ADAMTS17: variants seen among roughly 807,000 people sequenced by gnomAD.
ADAMTS17 encodes the protein ADAM metallopeptidase with thrombospondin type 1 motif 17.
A neutral mutation model predicts 141.5 loss-of-function variants in ADAMTS17; 113 were observed. The observed-to-expected ratio is 0.80, with a 90% confidence interval of 0.69 to 0.93. ADAMTS17 has a LOEUF of 0.93. Ranked by LOEUF, ADAMTS17 falls within the 40% of genes least tolerant of loss-of-function variation. The pLI is 0.00. For synonymous variants in ADAMTS17, 768 were observed against 630.6 expected, an observed-to-expected ratio of 1.22 and a Z score of -3.27; for missense variants, 1,659 against 1,517.9, an observed-to-expected ratio of 1.09 and a Z score of -1.54.
chr15:100,172,232 C>G (rs959043135), intron 8 of ADAMTS17, among the ~76,000 whole-genome samples: 12 of 152,164 alleles, frequency 7.9e-5, no homozygotes, highest in Non-Finnish European at 1.8e-4. Context: ...GCCTGGCTCC[C>G]TCAATCACAG....
In ADAMTS17 at chr15:100,116,997, T is replaced by C; in HGVS notation, c.1738A>G (p.Thr580Ala). 1.2e-6 allele frequency: 2 copies of C among 1,612,486 alleles called. No homozygotes were observed. Among genetic ancestry groups the C allele is most frequent in the South Asian group, 1.1e-5 (1 of 90,822 alleles). ...CDNPPPGPGG[T>A]HCPGASVEHA... ...TCTACACTGGCACCCGGGCAGTGTG[T>C]GCCTCCAGGCCCAGGGCTAGAAGGA... Residue 580 changes from threonine (T) to alanine (A), a missense_variant, in exon 13 of 22, where the codon ACA becomes GCA. Thr to Ala is a moderately conservative substitution (Grantham distance 58). Coordinates refer to ENST00000268070, the MANE Select transcript of ADAMTS17 (RefSeq NM_139057.4).
chr15:100,140,247 T>G (rs1690035758), intron 10 of ADAMTS17, among the ~76,000 whole-genome samples: 2 of 152,092 alleles, frequency 1.3e-5, no homozygotes, highest in Non-Finnish European at 2.9e-5. Context: ...CCTCCTGCCT[T>G]GGCCCCCCAA....
At chr15:100,284,916 T>C (rs2044397760) in intron 3 of ADAMTS17, among the ~76,000 whole-genome samples, 1 of 152,192 alleles carries the variant, frequency 6.6e-6, no homozygotes, top group Non-Finnish European at 1.5e-5. Context: ...CGGGGAGTGC[T>C]CCAAGCTCTG....
intron 15 of ADAMTS17, 21 bp downstream of exon 15, chr15:100,096,335 G>A: frequency 6.2e-7 from 1 of 1,612,514 alleles, no homozygotes; most frequent in South Asian, 1.1e-5. Context: ...AGCCACAGCA[G>A]CCCCATGGGC....
chr15:100,141,563 G>A (rs755028108), intron 10 of ADAMTS17, among the ~76,000 whole-genome samples: 13 of 152,092 alleles, frequency 8.5e-5, no homozygotes, highest in African/African-American at 2.4e-4. Context: ...AGTCTTCCCC[G>A]GGCCAGCATG....
At chr15:99,984,414 C>T (rs1434251862) in intron 20 of ADAMTS17, among the ~76,000 whole-genome samples, 1 of 152,188 alleles carries the variant, frequency 6.6e-6, no homozygotes, top group Non-Finnish European at 1.5e-5. Flanking sequence ...CGGAACGCAC[C>T]ATTTATGGGG....
intron 4 of ADAMTS17, among the ~76,000 whole-genome samples, chr15:100,265,411 C>A (rs76999051): frequency 6.6e-6 from 1 of 152,166 alleles, no homozygotes; most frequent in East Asian, 1.9e-4. Context: ...CGCAGCCAAG[C>A]GTCTGGAAAT....
intron 20 of ADAMTS17, among the ~76,000 whole-genome samples, chr15:99,983,238 C>T (rs79391417): frequency 9.8e-5 from 15 of 152,292 alleles, no homozygotes; most frequent in Non-Finnish European, 1.8e-4. Flanking sequence ...CTTGTTAATC[C>T]TCACACTGAC....
At chr15:100,139,598 T>C (rs949170859) in intron 10 of ADAMTS17, among the ~76,000 whole-genome samples, 5 of 152,202 alleles carry the variant, frequency 3.3e-5, no homozygotes, top group African/African-American at 1.2e-4. Flanking sequence ...TAAGTTACGG[T>C]GGAGTATCCT....
chr15:100,271,001 G>A (rs2043889642), intron 4 of ADAMTS17, among the ~76,000 whole-genome samples: 1 of 151,804 alleles, frequency 6.6e-6, no homozygotes, highest in Non-Finnish European at 1.5e-5. Flanking sequence ...CACAGTATTT[G>A]TTCTTTGGTG....
At chr15:99,988,867 C>T (rs1326979497) in intron 20 of ADAMTS17, among the ~76,000 whole-genome samples, 1 of 152,196 alleles carries the variant, frequency 6.6e-6, no homozygotes, top group Non-Finnish European at 1.5e-5. Context: ...GCATGAGCAC[C>T]AGGTCTTGGG....
At chr15:100,165,392 C>A (rs1439055013) in intron 8 of ADAMTS17, among the ~76,000 whole-genome samples, 3 of 152,164 alleles carry the variant, frequency 2.0e-5, no homozygotes, top group African/African-American at 4.8e-5. Flanking sequence ...GCGTGCCTCC[C>A]CCCAATGCCT....
chr15:100,244,539 G>C (rs542497378), intron 7 of ADAMTS17, among the ~76,000 whole-genome samples: 2 of 151,868 alleles, frequency 1.3e-5, no homozygotes, highest in African/African-American at 4.8e-5. Flanking sequence ...TGGTGATAGC[G>C]AATAAGTCTC....
chr15:100,135,283 C>T (rs997087552), intron 10 of ADAMTS17, among the ~76,000 whole-genome samples: 3 of 145,278 alleles, frequency 2.1e-5, no homozygotes, highest in African/African-American at 4.9e-5. Context: ...TTAAAATTAA[C>T]AACTTTTTTT....
Position 100,205,122 on chromosome 15 carries a change from T to C in ADAMTS17, c.1076-5699A>G, listed in dbSNP as rs557412687. The stretch of plus-strand genomic sequence containing the variant: ...CCACAGCTTAGGACACAGATGTCCT[T>C]GGCTTCGGTTTCCCAGGTACCTCCA... On this transcript the variant is annotated intron_variant, in intron 7 of 21. Coordinates refer to ENST00000268070, the MANE Select transcript of ADAMTS17 (RefSeq NM_139057.4). 1.2e-3 allele frequency among the ~76,000 whole-genome samples: 178 copies of C among 152,276 alleles called. 1 individual carries two copies. Among genetic ancestry groups the C allele is most frequent in the African/African-American group, 4.2e-3 (173 of 41,562 alleles).
intron 15 of ADAMTS17, among the ~76,000 whole-genome samples, chr15:100,084,185 G>A (rs1754256557): frequency 6.6e-6 from 1 of 152,194 alleles, no homozygotes; most frequent in South Asian, 2.1e-4. Context: ...ATGGCACACT[G>A]GGAGATTATA....
chr15:100,193,193 C>T (rs1256071914), intron 8 of ADAMTS17, among the ~76,000 whole-genome samples: 5 of 152,254 alleles, frequency 3.3e-5, no homozygotes, highest in Admixed American at 3.3e-4. Context: ...GGCTTCTGCC[C>T]GGCCCATTAT....
At chr15:100,183,112 C>T (rs2040583487) in intron 8 of ADAMTS17, among the ~76,000 whole-genome samples, 1 of 152,158 alleles carries the variant, frequency 6.6e-6, no homozygotes, top group South Asian at 2.1e-4. Flanking sequence ...CCTCAGCCTC[C>T]TGAGTAGCTG....
intron 8 of ADAMTS17, among the ~76,000 whole-genome samples, chr15:100,158,936 C>G (rs1010413098): frequency 1.3e-5 from 2 of 152,112 alleles, no homozygotes; most frequent in Non-Finnish European, 2.9e-5. Flanking sequence ...CCTTACACCT[C>G]TCATGATGTT....
Sources: gnomAD v4.1 joint callset for allele counts (sites outside exome capture counted in the v4.1 genomes callset) on GRCh38, gnomAD v4.1.1 for gene constraint, MANE v1.5 for transcripts, NCBI Gene and HGNC (gene_info 2026-07-23, HGNC 2026-07-21) for gene names.